Variants in LAMA2 observed in about 807,000 individuals in gnomAD.
LAMA2 encodes laminin subunit alpha-2.
LAMA2 carries 269 observed loss-of-function variants against 364.8 expected under a neutral mutation model. The ratio of observed to expected loss-of-function variants is 0.74; its 90% CI spans 0.67 to 0.82. The LOEUF (loss-of-function observed/expected upper bound fraction) is 0.82. LAMA2 is among the 40% of genes least tolerant of loss of function. The pLI is 0.00. For synonymous variants in LAMA2, 1,379 were observed against 1,370.6 expected (o/e 1.01, Z -0.14); for missense variants, 3,807 against 3,873.2 (o/e 0.98, Z 0.45).
chr6:129,341,630 G>C (rs748816509), intron 29 of LAMA2, among the ~76,000 whole-genome samples: 7 of 152,090 alleles, frequency 4.6e-5, no homozygotes, highest in Non-Finnish European at 1.5e-5. Context: ...TGCATTCCAT[G>C]TAGCTCTTCC....
At chr6:129,372,548 A>G (rs996335448) in intron 34 of LAMA2, among the ~76,000 whole-genome samples, 2 of 152,210 alleles carry the variant, frequency 1.3e-5, no homozygotes, top group African/African-American at 4.8e-5. Context: ...TCATTCCCCT[A>G]CTGAAGGACA....
At chr6:128,977,849 CTT>C (rs1470340375) in intron 1 of LAMA2, among the ~76,000 whole-genome samples, 1 of 151,830 alleles carries the variant, frequency 6.6e-6, no homozygotes, top group African/African-American at 2.4e-5. Flanking sequence ...TTTTTTTTCT[CTT>C]GTTTGCCTCA....
rs3778125 is a variant in LAMA2 at position 129,244,070 on chromosome 6, A to G, written c.1783-6042A>G. ...AACTCAGTTTATTCCCTTCTAAACC[A>G]ACTTTTCTAGAATGTGTTGTCTCTG... is the stretch of plus-strand genomic sequence containing the variant. On this transcript the variant is annotated intron_variant, in intron 12 of 64. Transcript: ENST00000421865. Among the ~76,000 whole-genome samples, 164 of 152,206 alleles carry G rather than the reference A, an allele frequency of 1.1e-3. No homozygotes were observed. In the East Asian group the frequency reaches 0.017, roughly 16 times the overall value.
At chr6:129,444,472 A>G (rs1309352003) in intron 44 of LAMA2, among the ~76,000 whole-genome samples, 1 of 152,220 alleles carries the variant, frequency 6.6e-6, no homozygotes, top group Non-Finnish European at 1.5e-5. Flanking sequence ...GTATGATGAT[A>G]TAACAAACAT....
chr6:129,441,074 T>C, intron 43 of LAMA2, 76 bp downstream of exon 43: 1 of 1,323,216 alleles, frequency 7.6e-7, no homozygotes, highest in Non-Finnish European at 1.1e-6. Context: ...CTGTAAATGC[T>C]CGAGTTGGAA....
chr6:129,028,136 G>T (rs1785964403), intron 1 of LAMA2, among the ~76,000 whole-genome samples: 1 of 151,852 alleles, frequency 6.6e-6, no homozygotes, highest in South Asian at 2.1e-4. Flanking sequence ...ATAAGAATTA[G>T]TGTTTAAAAG....
At chr6:129,240,218 A>G (rs1045217799) in intron 12 of LAMA2, among the ~76,000 whole-genome samples, 2 of 152,212 alleles carry the variant, frequency 1.3e-5, no homozygotes, top group African/African-American at 4.8e-5. Context: ...CCACGCTGGC[A>G]GCTGATTAAA....
intron 1 of LAMA2, among the ~76,000 whole-genome samples, chr6:128,906,549 G>A (rs1777484556): frequency 2.0e-5 from 3 of 148,116 alleles, no homozygotes; most frequent in Admixed American, 1.3e-4. Flanking sequence ...TTTGTCAGAT[G>A]AGTAGGTTGC....
At chr6:128,965,630 TA>T (rs1463904557) in intron 1 of LAMA2, among the ~76,000 whole-genome samples, 1 of 152,088 alleles carries the variant, frequency 6.6e-6, no homozygotes, top group Non-Finnish European at 1.5e-5. Flanking sequence ...TCAATGTATG[TA>T]AGTTTCTAAG....
At chr6:129,449,336 A>G (rs941197062) in intron 45 of LAMA2, among the ~76,000 whole-genome samples, 18 of 152,308 alleles carry the variant, frequency 1.2e-4, no homozygotes, top group African/African-American at 4.1e-4. Context: ...CTGGCAGGTT[A>G]GGGACCTGTT....
chr6:129,020,420 A>G (rs1785380688), intron 1 of LAMA2, among the ~76,000 whole-genome samples: 1 of 152,186 alleles, frequency 6.6e-6, no homozygotes. Context: ...CTGGAAGGCA[A>G]CAAAGTATGA....
At chr6:129,303,851 A>T (rs1235227601) in intron 22 of LAMA2, among the ~76,000 whole-genome samples, 2 of 152,176 alleles carry the variant, frequency 1.3e-5, no homozygotes, top group African/African-American at 4.8e-5. Context: ...GTTTATAAGA[A>T]ATATTGGTAT....
intron 1 of LAMA2, among the ~76,000 whole-genome samples, chr6:129,044,201 T>C (rs895192571): frequency 1.3e-5 from 2 of 151,134 alleles, no homozygotes; most frequent in Admixed American, 6.6e-5. Context: ...CACACACATA[T>C]ACATACACAC....
At chr6:129,489,830 G>A (rs1469752380) in intron 56 of LAMA2, among the ~76,000 whole-genome samples, 2 of 151,280 alleles carry the variant, frequency 1.3e-5, no homozygotes, top group Non-Finnish European at 2.9e-5. Flanking sequence ...AACTGATATG[G>A]TTTTAAAAAA....
At chr6:129,492,143 A>G (rs563490057) in intron 57 of LAMA2, 66 bp downstream of exon 57, 10 of 1,457,822 alleles carry the variant, frequency 6.9e-6, no homozygotes, top group Admixed American at 1.7e-5. Context: ...AGGGGTCCCA[A>G]TGCATCTACA....
chr6:129,278,050 A>C (rs1788448802), intron 17 of LAMA2, among the ~76,000 whole-genome samples: 1 of 151,990 alleles, frequency 6.6e-6, no homozygotes, highest in African/African-American at 2.4e-5. Flanking sequence ...AAAAATACAA[A>C]AATGGGCCAG....
intron 12 of LAMA2, among the ~76,000 whole-genome samples, chr6:129,215,235 T>C (rs1420678795): frequency 6.6e-6 from 1 of 152,196 alleles, no homozygotes; most frequent in Non-Finnish European, 1.5e-5. Context: ...AGGTTATAGA[T>C]AAAATGCTAC....
At chr6:129,289,018 G>A (rs1177045153) in intron 19 of LAMA2, among the ~76,000 whole-genome samples, 2 of 152,132 alleles carry the variant, frequency 1.3e-5, no homozygotes, top group Non-Finnish European at 2.9e-5. Context: ...AAGCACCAAA[G>A]ACCCAGTAGG....
At chr6:129,177,506 G>T (rs899425877) in intron 9 of LAMA2, among the ~76,000 whole-genome samples, 200 bp from the exon 10 acceptor site, 2 of 152,122 alleles carry the variant, frequency 1.3e-5, no homozygotes, top group African/African-American at 4.8e-5. Context: ...TTGACACTTA[G>T]AAGATGCTAT....
Sources: allele counts gnomAD v4.1 joint callset (sites outside exome capture counted in the v4.1 genomes callset), GRCh38; gene constraint gnomAD v4.1.1; transcripts MANE v1.5; gene names NCBI Gene and HGNC (gene_info 2026-07-23, HGNC 2026-07-21).